The following FSTL4 variants were observed in gnomAD, a reference collection of about 807,000 sequenced individuals.
FSTL4 encodes the protein follistatin-related protein 4.
Under a neutral mutation model 78.2 loss-of-function variants are expected in FSTL4, and 28 were observed. The ratio of observed to expected loss-of-function variants is 0.36; its 90% CI spans 0.27 to 0.49. The LOEUF is 0.49. Among genes scored for constraint, FSTL4 ranks in the 20% least tolerant of loss-of-function variants. The pLI is 0.98. For synonymous variants in FSTL4, 422 were observed against 440.5 expected, an observed-to-expected ratio of 0.96 and a Z score of 0.53; for missense variants, 922 against 1,084.9, an observed-to-expected ratio of 0.85 and a Z score of 2.11.
In FSTL4 at chr5:133,300,462, C is replaced by A. The variant is rs928147481; in HGVS notation, c.727+12192G>T. On this transcript the variant is annotated intron_variant, in intron 6 of 15. Coordinates refer to ENST00000265342, the MANE Select transcript of FSTL4 (RefSeq NM_015082.2). ...GACTCCACTGCCCTTAAATCCCCTA[C>A]TGTGCCCTGAGCATGGAGCAGTGGC... Among the ~76,000 whole-genome samples the A allele has an allele frequency of 3.9e-5, 6 of 152,228 alleles. No homozygotes were observed. In the South Asian group the frequency reaches 1.0e-3, roughly 26 times the overall value.
chr5:133,508,208 G>C (rs1008469236), intron 3 of FSTL4, among the ~76,000 whole-genome samples: 2 of 152,176 alleles, frequency 1.3e-5, no homozygotes, highest in Non-Finnish European at 2.9e-5. Flanking sequence ...GGTAGGATTG[G>C]TGCCTGGCAC....
Position 133,225,591 on chromosome 5 carries a change from A to G in FSTL4, c.1177+67T>C. 1 of 1,380,992 alleles carries G rather than the reference A, an allele frequency of 7.2e-7. No homozygotes were observed. Among genetic ancestry groups the G allele is most frequent in the South Asian group, 1.4e-5 (1 of 71,972 alleles). 85.5% of individuals were successfully genotyped at this position (1,380,992 alleles called of 1,614,324 possible). A position where few individuals can be genotyped will look rare whatever the true frequency, so the allele number is the denominator to read the frequency against. ...TAAACAAATTATACCTCTCGTTTCC[A>G]TTCCTGGAGTCTCAGCTTGATTTGA... On this transcript the variant is annotated intron_variant, in intron 9 of 15. Coordinates refer to ENST00000265342, the MANE Select transcript of FSTL4 (RefSeq NM_015082.2). This position sits in a 1 kb window ranked among gnomAD's most constrained non-coding sequence, Gnocchi z 4.6.
At chr5:133,215,110 T>G (rs1750864660) in intron 13 of FSTL4, among the ~76,000 whole-genome samples, 1 of 152,196 alleles carries the variant, frequency 6.6e-6, no homozygotes, top group Non-Finnish European at 1.5e-5. Context: ...TCCTCAGTCT[T>G]CATAACATAC....
the FSTL4 span, among the ~76,000 whole-genome samples, chr5:133,687,330 C>A: frequency 6.6e-6 from 1 of 152,156 alleles, no homozygotes; most frequent in Non-Finnish European, 1.5e-5. Flanking sequence ...CAGGTTGGAG[C>A]CTTATGTCTT....
chr5:133,740,653 A>G, the FSTL4 span, among the ~76,000 whole-genome samples: 1 of 152,152 alleles, frequency 6.6e-6, no homozygotes, highest in Non-Finnish European at 1.5e-5. Flanking sequence ...TACACCATTT[A>G]TAAGAACACT....
At chr5:133,752,484 G>A in the FSTL4 span, among the ~76,000 whole-genome samples, 1 of 152,128 alleles carries the variant, frequency 6.6e-6, no homozygotes. Context: ...AGTTGTGGTG[G>A]CGGGTGCCTG....
intron 3 of FSTL4, among the ~76,000 whole-genome samples, chr5:133,424,183 C>CCCA (rs982651964): frequency 5.9e-5 from 9 of 152,194 alleles, no homozygotes; most frequent in African/African-American, 2.2e-4. Context: ...GCAGGTGGTG[C>CCCA]CCCTGAACTT....
At chr5:133,312,291 C>T (rs1408069081) in intron 6 of FSTL4, 1 of 193,652 alleles carries the variant, frequency 5.2e-6, no homozygotes, top group Non-Finnish European at 1.1e-5. Flanking sequence ...TAGGGCTCCC[C>T]ACATGGCCAG....
chr5:133,765,085 G>T, the FSTL4 span, among the ~76,000 whole-genome samples: 115 of 152,348 alleles, frequency 7.5e-4, no homozygotes, highest in African/African-American at 2.6e-3. Context: ...TGCACTCAGG[G>T]AGCTTGCTAC....
rs138846856 is a variant in FSTL4 at position 133,594,261 on chromosome 5, G to A, written c.126+9597C>T. On this transcript the variant is annotated intron_variant, in intron 2 of 15. Transcript: ENST00000265342. ...GCTGGAGTGCAGTGGTATGATCTTGGCTCACTGCAACCTCCGCCTCCTGGG... is the reference window on the plus strand; with the variant it reads ...GCTGGAGTGCAGTGGTATGATCTTGACTCACTGCAACCTCCGCCTCCTGGG... Among the ~76,000 whole-genome samples the A allele has an allele frequency of 4.1e-3, 631 of 152,302 alleles. 7 individuals carry two copies. Among genetic ancestry groups the A allele is most frequent in the African/African-American group, 0.014 (590 of 41,572 alleles).
chr5:133,461,191 A>C (rs116784304), intron 3 of FSTL4, among the ~76,000 whole-genome samples: 7 of 152,180 alleles, frequency 4.6e-5, no homozygotes, highest in Non-Finnish European at 8.8e-5. Flanking sequence ...CCATCTGTCA[A>C]TGTGGCTCTG....
chr5:133,205,893 G>GAATT (rs1164583656), intron 14 of FSTL4, among the ~76,000 whole-genome samples: 4 of 152,140 alleles, frequency 2.6e-5, no homozygotes, highest in Admixed American at 6.5e-5. Flanking sequence ...AATCCAGTAA[G>GAATT]AATTAGGAAA....
At chr5:133,740,451 G>C in the FSTL4 span, among the ~76,000 whole-genome samples, 1 of 152,140 alleles carries the variant, frequency 6.6e-6, no homozygotes, top group African/African-American at 2.4e-5. Context: ...GATAGTGTGT[G>C]CCAACCCGCC....
intron 7 of FSTL4, among the ~76,000 whole-genome samples, chr5:133,245,135 A>G (rs1751999604): frequency 6.6e-6 from 1 of 151,590 alleles, no homozygotes; most frequent in African/African-American, 2.4e-5. Context: ...AAAAAAAAAA[A>G]AAAAAAGGCA....
At chr5:133,738,380 A>G in the FSTL4 span, among the ~76,000 whole-genome samples, 2 of 152,244 alleles carry the variant, frequency 1.3e-5, no homozygotes, top group African/African-American at 4.8e-5. Flanking sequence ...TGAAGAGTGT[A>G]GAGCAGGACG....
chr5:133,458,212 C>A (rs961792085), intron 3 of FSTL4: 1 of 152,212 alleles, frequency 6.6e-6, no homozygotes, highest in South Asian at 2.1e-4. Context: ...AATCTGATGT[C>A]CTCAGAGAGG....
intron 3 of FSTL4, among the ~76,000 whole-genome samples, chr5:133,408,397 A>T (rs1367826561): frequency 6.6e-6 from 1 of 152,156 alleles, no homozygotes; most frequent in Non-Finnish European, 1.5e-5. Context: ...GACCCCAGAA[A>T]GGCAGGAACG....
chr5:133,533,147 T>C (rs989412780), intron 3 of FSTL4, among the ~76,000 whole-genome samples: 1 of 152,208 alleles, frequency 6.6e-6, no homozygotes, highest in Non-Finnish European at 1.5e-5. Context: ...GATGTAGCTT[T>C]CACAATCTAC....
At chr5:133,317,732 C>T (rs1443829443) in intron 4 of FSTL4, among the ~76,000 whole-genome samples, 1 of 152,240 alleles carries the variant, frequency 6.6e-6, no homozygotes, top group African/African-American at 2.4e-5. Context: ...GTGATCTCAT[C>T]TGTGAAGCAG....
Sources: gnomAD v4.1 joint callset for allele counts (sites outside exome capture counted in the v4.1 genomes callset) on GRCh38, gnomAD v4.1.1 for gene constraint, Gnocchi (gnomAD v3.1) non-coding constraint, MANE v1.5 for transcripts, NCBI Gene and HGNC (gene_info 2026-07-23, HGNC 2026-07-21) for gene names.